The following RGS6 variants were observed in gnomAD, a reference collection of about 807,000 sequenced individuals.
RGS6 encodes the protein regulator of G protein signaling 6.
A neutral mutation model predicts 78.5 loss-of-function variants in RGS6; 30 were observed. That is an observed-to-expected ratio of 0.38 (90% CI 0.29 to 0.52). The LOEUF is 0.52. Among genes scored for constraint, RGS6 ranks in the 20% least tolerant of loss-of-function variants. The pLI is 0.85. For missense variants in RGS6, 495 were observed against 609.7 expected, an observed-to-expected ratio of 0.81 and a Z score of 1.98; for synonymous variants, 206 against 206.0, an observed-to-expected ratio of 1.00 and a Z score of 0.00.
intron 2 of RGS6, among the ~76,000 whole-genome samples, chr14:71,974,101 C>CA (rs2093977844): frequency 6.6e-6 from 1 of 152,028 alleles, no homozygotes; most frequent in African/African-American, 2.4e-5. Flanking sequence ...TTTTGGCAGG[C>CA]AGTTGATCAC....
At chr14:72,232,898 G>A (rs985632381) in intron 2 of RGS6, among the ~76,000 whole-genome samples, 1 of 152,186 alleles carries the variant, frequency 6.6e-6, no homozygotes, top group Non-Finnish European at 1.5e-5. Context: ...CCTGAGGCTG[G>A]CGTGCATGCA....
intron 2 of RGS6, among the ~76,000 whole-genome samples, chr14:72,037,956 T>C (rs2091942730): frequency 6.6e-6 from 1 of 152,118 alleles, no homozygotes; most frequent in Non-Finnish European, 1.5e-5. Flanking sequence ...AATACCATGC[T>C]GTCTTTATTT....
intron 3 of RGS6, among the ~76,000 whole-genome samples, chr14:72,354,740 T>G (rs1047059878): frequency 1.6e-4 from 24 of 152,156 alleles, no homozygotes; most frequent in African/African-American, 5.8e-4. Context: ...AATGCCATCA[T>G]GTTGGGGATT....
the RGS6 span, among the ~76,000 whole-genome samples, chr14:71,876,690 T>C: frequency 6.6e-6 from 1 of 151,970 alleles, no homozygotes; most frequent in Admixed American, 6.6e-5. Flanking sequence ...AGGTTAATAT[T>C]GTTATGTGTG....
chr14:72,292,609 C>A (rs1217741365), intron 2 of RGS6, among the ~76,000 whole-genome samples: 1 of 152,236 alleles, frequency 6.6e-6, no homozygotes, highest in African/African-American at 2.4e-5. Flanking sequence ...ATTTTCAAAA[C>A]TGCAGGGTTC....
At chr14:72,030,718 C>T (rs1036660331) in intron 2 of RGS6, among the ~76,000 whole-genome samples, 1 of 152,128 alleles carries the variant, frequency 6.6e-6, no homozygotes, top group Non-Finnish European at 1.5e-5. Flanking sequence ...TAATTGGAAA[C>T]TTCTTGTGTT....
chr14:72,551,156 AG>A (rs143015315), intron 17 of RGS6, among the ~76,000 whole-genome samples: 3,826 of 152,230 alleles, frequency 0.025, 133 homozygotes, highest in African/African-American at 0.078. Context: ...TTTCTTGAAT[AG>A]TTATCATAGC....
At chr14:72,128,359 A>G (rs2153584032) in intron 2 of RGS6, among the ~76,000 whole-genome samples, 1 of 152,328 alleles carries the variant, frequency 6.6e-6, no homozygotes, top group African/African-American at 2.4e-5. Flanking sequence ...ATCAAACTTA[A>G]GTAAATTATT....
chr14:72,513,811 C>T (rs1691584501), intron 14 of RGS6: 1 of 152,162 alleles, frequency 6.6e-6, no homozygotes, highest in African/African-American at 2.4e-5. Context: ...AAGAGTGTCC[C>T]CCGTACATTT....
the RGS6 span, chr14:72,595,075 G>T: frequency 6.6e-6 from 1 of 152,056 alleles, no homozygotes; most frequent in Non-Finnish European, 1.5e-5. Flanking sequence ...GATTCATGGG[G>T]GACTCTAAGT....
intron 2 of RGS6, among the ~76,000 whole-genome samples, chr14:71,978,846 T>C (rs2094293995): frequency 6.6e-6 from 1 of 151,196 alleles, no homozygotes; most frequent in Admixed American, 6.6e-5. Flanking sequence ...TGGTACCAGC[T>C]CCTCCTTGTA....
intron 2 of RGS6, among the ~76,000 whole-genome samples, chr14:72,046,817 C>T (rs2092881595): frequency 6.6e-6 from 1 of 152,204 alleles, no homozygotes. Context: ...TAGGATATGG[C>T]TCTTCGAGTA....
intron 2 of RGS6, among the ~76,000 whole-genome samples, chr14:72,048,595 C>T (rs1410121032): frequency 6.6e-6 from 1 of 152,092 alleles, no homozygotes; most frequent in Admixed American, 6.5e-5. Flanking sequence ...AATCATTGCT[C>T]TTATCAGGGG....
At chr14:72,391,357 G>A (rs1239764907) in intron 3 of RGS6, among the ~76,000 whole-genome samples, 2 of 152,198 alleles carry the variant, frequency 1.3e-5, no homozygotes, top group African/African-American at 2.4e-5. Context: ...CCGTGGAAAA[G>A]GGAAGTCTGT....
chr14:72,513,417 A>G (rs1445952800), intron 14 of RGS6, among the ~76,000 whole-genome samples: 1 of 152,104 alleles, frequency 6.6e-6, no homozygotes, highest in Non-Finnish European at 1.5e-5. Flanking sequence ...TGGGTGGGGT[A>G]TGACCAGCAG....
chr14:72,559,409 C>G (rs2238169), intron 17 of RGS6, among the ~76,000 whole-genome samples: 71,722 of 152,142 alleles, frequency 0.47, 20,438 homozygotes, highest in African/African-American at 0.81. Context: ...CAGGCATCTA[C>G]CCATGCCCGC....
intron 2 of RGS6, among the ~76,000 whole-genome samples, chr14:71,978,895 G>A (rs546267311): frequency 1.4e-5 from 2 of 144,556 alleles, no homozygotes; most frequent in South Asian, 4.8e-4. Context: ...TCTGGTCCTG[G>A]ACTCTTTTTG....
chr14:71,941,900 T>A (rs1432974861), intron 1 of RGS6, among the ~76,000 whole-genome samples: 1 of 152,150 alleles, frequency 6.6e-6, no homozygotes, highest in Admixed American at 6.5e-5. Context: ...CAGGCCAAAA[T>A]GCCTGTTTGA....
At chr14:72,205,318 C>T (rs2042474417) in intron 2 of RGS6, among the ~76,000 whole-genome samples, 1 of 152,170 alleles carries the variant, frequency 6.6e-6, no homozygotes, top group East Asian at 1.9e-4. Flanking sequence ...AATGTGTCCG[C>T]CCTCTTTCCT....
Sources: gnomAD v4.1 joint callset for allele counts (sites outside exome capture counted in the v4.1 genomes callset) on GRCh38, gnomAD v4.1.1 for gene constraint, MANE v1.5 for transcripts, NCBI Gene and HGNC (gene_info 2026-07-23, HGNC 2026-07-21) for gene names.